The following SLC35F3 variants were observed in gnomAD, a reference collection of about 807,000 sequenced individuals.
The protein encoded by SLC35F3 is putative thiamine transporter SLC35F3.
A neutral mutation model predicts 49.9 loss-of-function variants in SLC35F3; 25 were observed. That is an observed-to-expected ratio of 0.50 (90% CI 0.37 to 0.70). The LOEUF (loss-of-function observed/expected upper bound fraction) is 0.70. Among genes scored for constraint, SLC35F3 ranks in the 30% least tolerant of loss-of-function variants. The pLI is 0.00. For synonymous variants in SLC35F3, 275 were observed against 265.4 expected, an observed-to-expected ratio of 1.04 and a Z score of -0.35; for missense variants, 525 against 639.8, an observed-to-expected ratio of 0.82 and a Z score of 1.94.
At chr1:234,211,755 G>A (rs1667049192) in intron 2 of SLC35F3, among the ~76,000 whole-genome samples, 1 of 152,186 alleles carries the variant, frequency 6.6e-6, no homozygotes, top group Admixed American at 6.5e-5. Context: ...TCTCAAATGA[G>A]GCTTTGGACT....
chr1:234,262,018 C>T (rs973476243), intron 3 of SLC35F3, among the ~76,000 whole-genome samples: 2 of 152,166 alleles, frequency 1.3e-5, no homozygotes, highest in Non-Finnish European at 2.9e-5. Flanking sequence ...AGGACAGTTG[C>T]CTGGTTGGGT....
intron 2 of SLC35F3, among the ~76,000 whole-genome samples, chr1:234,135,722 A>G (rs1429268555): frequency 1.3e-5 from 2 of 152,264 alleles, no homozygotes; most frequent in African/African-American, 2.4e-5. Context: ...GAAGCTGGTC[A>G]CATAAGCGCC....
intron 3 of SLC35F3, among the ~76,000 whole-genome samples, chr1:234,240,437 T>G (rs571178575): frequency 6.6e-6 from 1 of 151,788 alleles, no homozygotes; most frequent in South Asian, 2.1e-4. Context: ...AAACCCCATC[T>G]CTACAGAAAA....
At chr1:234,069,724 T>G (rs1428397278) in intron 2 of SLC35F3, among the ~76,000 whole-genome samples, 1 of 152,154 alleles carries the variant, frequency 6.6e-6, no homozygotes, top group Non-Finnish European at 1.5e-5. Context: ...GAGGTAGTCC[T>G]CTCTTGGCTA....
At chr1:233,952,763 C>T (rs1334552751) in intron 2 of SLC35F3, among the ~76,000 whole-genome samples, 1 of 152,146 alleles carries the variant, frequency 6.6e-6, no homozygotes, top group African/African-American at 2.4e-5. Flanking sequence ...TCTCTCCTCT[C>T]CCTCACATGT....
At chr1:234,079,832 G>A (rs1199704234) in intron 2 of SLC35F3, among the ~76,000 whole-genome samples, 3 of 152,192 alleles carry the variant, frequency 2.0e-5, no homozygotes, top group Non-Finnish European at 4.4e-5. Context: ...AAATGATGCA[G>A]CCACTATAAA....
chr1:233,971,107 T>C (rs1662984328), intron 2 of SLC35F3, among the ~76,000 whole-genome samples: 2 of 152,212 alleles, frequency 1.3e-5, no homozygotes, highest in South Asian at 4.1e-4. Context: ...CATGAGCCAA[T>C]GTGCAGAATT....
chr1:234,011,957 C>T lies in SLC35F3; in HGVS notation c.283+106199C>T, dbSNP rs151269437. Among the ~76,000 whole-genome samples the T allele has an allele frequency of 2.9e-3, 442 of 152,180 alleles. 2 individuals carry two copies. Among genetic ancestry groups the T allele is most frequent in the Non-Finnish European group, 5.4e-3 (366 of 68,002 alleles). On this transcript the variant is annotated intron_variant, in intron 2 of 7. Coordinates refer to ENST00000366618, the MANE Select transcript of SLC35F3 (RefSeq NM_173508.4). ...GCACTTAGCATACCAAGGACCTGCA[C>T]GGGCACCGGTCTCTGAGTTCCCTCA...
chr1:234,026,141 T>G (rs1381312744), intron 2 of SLC35F3, among the ~76,000 whole-genome samples: 6 of 152,174 alleles, frequency 3.9e-5, no homozygotes, highest in Non-Finnish European at 2.9e-5. Context: ...CTCTCTATTC[T>G]GCAATTGGTC....
intron 2 of SLC35F3, among the ~76,000 whole-genome samples, chr1:234,018,207 C>T (rs2102841342): frequency 6.6e-6 from 1 of 152,334 alleles, no homozygotes; most frequent in African/African-American, 2.4e-5. Flanking sequence ...AGTAGGTGAA[C>T]TTGCAAATAC....
At position 234,068,823 on chromosome 1, in the gene SLC35F3, TTATATATATATATATATA is replaced by T. The variant is rs10645395; in HGVS notation, c.284-162578_284-162561del. On this transcript the variant is annotated intron_variant, in intron 2 of 7. Transcript: ENST00000366618. ...GAGTGACAGGATAAGATTTGAGACA[TTATATATATATATATATA>T]TATATATATATATATGGCATATTTA... Among the ~76,000 whole-genome samples, 348 of 71,154 alleles carry T rather than the reference TTATATATATATATATATA, an allele frequency of 4.9e-3. 41 individuals carry two copies. Among genetic ancestry groups the T allele is most frequent in the African/African-American group, 0.017 (292 of 17,000 alleles). The allele number at this position is 71,154 out of a possible 152,430, so 46.7% of individuals were successfully genotyped here.
At chr1:234,071,317 A>T (rs1352537547) in intron 2 of SLC35F3, among the ~76,000 whole-genome samples, 2 of 152,202 alleles carry the variant, frequency 1.3e-5, no homozygotes, top group African/African-American at 4.8e-5. Context: ...TCCAGAGAGT[A>T]AAATGGTAAA....
intron 2 of SLC35F3, among the ~76,000 whole-genome samples, chr1:234,116,831 TG>T (rs933204981): frequency 1.3e-5 from 2 of 152,148 alleles, no homozygotes; most frequent in African/African-American, 4.8e-5. Flanking sequence ...CCTTTTAAGC[TG>T]GGGGTTTTGT....
intron 2 of SLC35F3, among the ~76,000 whole-genome samples, chr1:234,164,385 TTCCCCTCTCTC>T (rs1342170826): frequency 6.8e-6 from 1 of 147,228 alleles, no homozygotes; most frequent in African/African-American, 2.5e-5. Context: ...CTCAACTTCT[TTCCCCTCTCTC>T]TCCCCGCTCC....
At chr1:234,188,870 C>T (rs148413902) in intron 2 of SLC35F3, among the ~76,000 whole-genome samples, 60 of 152,300 alleles carry the variant, frequency 3.9e-4, no homozygotes, top group Middle Eastern at 3.4e-3. Context: ...TAGTTTATAT[C>T]ACAGGACTCT....
intron 2 of SLC35F3, among the ~76,000 whole-genome samples, chr1:234,164,061 A>G (rs1284596821): frequency 6.6e-6 from 1 of 152,020 alleles, no homozygotes; most frequent in Non-Finnish European, 1.5e-5. Flanking sequence ...AAGAAGAAAT[A>G]TGGATTGTAG....
chr1:233,960,663 C>T (rs1475191348), intron 2 of SLC35F3, among the ~76,000 whole-genome samples: 1 of 152,126 alleles, frequency 6.6e-6, no homozygotes, highest in Non-Finnish European at 1.5e-5. Flanking sequence ...GCAGATTTCC[C>T]AATTATAAAT....
intron 3 of SLC35F3, among the ~76,000 whole-genome samples, chr1:234,266,353 G>T (rs973471944): frequency 5.6e-4 from 86 of 152,266 alleles, no homozygotes; most frequent in Non-Finnish European, 2.2e-4. Context: ...AGTAGTCTTG[G>T]AACTCCAACT....
chr1:234,005,590 A>G (rs1038185099), intron 2 of SLC35F3, among the ~76,000 whole-genome samples: 7 of 152,196 alleles, frequency 4.6e-5, no homozygotes, highest in South Asian at 2.1e-4. Context: ...TGTGGAGCCA[A>G]TGGGATTTCT....
Sources: gnomAD v4.1 joint callset for allele counts (sites outside exome capture counted in the v4.1 genomes callset) on GRCh38, gnomAD v4.1.1 for gene constraint, MANE v1.5 for transcripts, NCBI Gene and HGNC (gene_info 2026-07-23, HGNC 2026-07-21) for gene names.